Variants in TRMT13 observed in about 807,000 individuals in gnomAD.
The protein encoded by TRMT13 is tRNA:m(4)X modification enzyme TRM13 homolog.
In TRMT13, 45 loss-of-function variants were observed where a neutral mutation model predicts 55.9. That is an observed-to-expected ratio of 0.80 (90% confidence interval 0.63 to 1.03). TRMT13 has a LOEUF of 1.03. Among genes scored for constraint, TRMT13 ranks in the 50% least tolerant of loss-of-function variants. The pLI is 0.00. For synonymous variants in TRMT13, 183 were observed against 196.3 expected, an observed-to-expected ratio of 0.93 and a Z score of 0.57; for missense variants, 513 against 563.9, an observed-to-expected ratio of 0.91 and a Z score of 0.91.
chr1:100,133,945 G>A (rs959048653), intron 1 of TRMT13, among the ~76,000 whole-genome samples: 8 of 152,018 alleles, frequency 5.3e-5, no homozygotes, highest in African/African-American at 1.7e-4. Flanking sequence ...GGTGGTGCGA[G>A]CCTGTAACCC....
intron 9 of TRMT13, among the ~76,000 whole-genome samples, chr1:100,147,221 A>G (rs1657381780): frequency 6.6e-6 from 1 of 152,184 alleles, no homozygotes; most frequent in Non-Finnish European, 1.5e-5. Flanking sequence ...ATACTAAAAT[A>G]TTTTCATTGT....
intron 7 of TRMT13, among the ~76,000 whole-genome samples, chr1:100,142,076 C>T (rs1656706419): frequency 6.6e-6 from 1 of 152,104 alleles, no homozygotes; most frequent in East Asian, 1.9e-4. Context: ...TAGTTCTTGG[C>T]TTTGAGGAAG....
chr1:100,133,257 G>A lies in TRMT13; in HGVS notation c.89G>A (p.Cys30Tyr). 1 of 1,614,144 alleles carries A rather than the reference G, an allele frequency of 6.2e-7. No homozygotes were observed. Among genetic ancestry groups the A allele is most frequent in the Non-Finnish European group, 8.5e-7 (1 of 1,179,988 alleles). Residue 30 changes from cysteine to tyrosine, a missense_variant, in exon 1 of 11, where the codon TGC becomes TAC. Transcript: ENST00000370141. ...TATGTGGAAAAGAAGAAACGGTTCT[G>A]CAGGATGGTGGTGGCCGCAGGGAAA... ...GYYVEKKKRFCRMVVAAGKRF... is the reference protein window; with the variant it reads ...GYYVEKKKRFYRMVVAAGKRF...
At chr1:100,141,780 T>C (rs1177520970) in intron 7 of TRMT13, among the ~76,000 whole-genome samples, 1 of 152,192 alleles carries the variant, frequency 6.6e-6, no homozygotes, top group African/African-American at 2.4e-5. Context: ...AGATGGAGAA[T>C]GACTATGTAG....
Position 100,148,620 on chromosome 1 carries a change from T to G in TRMT13, c.1251-5T>G. 1 of 1,597,502 alleles carries G rather than the reference T, an allele frequency of 6.3e-7. No homozygotes were observed. Among genetic ancestry groups the G allele is most frequent in the Non-Finnish European group, 8.5e-7 (1 of 1,175,766 alleles). Reference sequence around the variant, plus strand: ...CAATGTTTTGTGTGTGTTTATTCAATTTAGGCTTCTTAGTGTTGAAGAAAA... The same window carrying G: ...CAATGTTTTGTGTGTGTTTATTCAAGTTAGGCTTCTTAGTGTTGAAGAAAA... On this transcript the variant is annotated splice_polypyrimidine_tract_variant and splice_region_variant and intron_variant, in intron 10 of 10. Coordinates refer to ENST00000370141, the MANE Select transcript of TRMT13 (RefSeq NM_019083.3).
intron 3 of TRMT13, among the ~76,000 whole-genome samples, chr1:100,138,407 G>A (rs1396024014): frequency 1.3e-5 from 2 of 152,156 alleles, no homozygotes; most frequent in Non-Finnish European, 2.9e-5. Context: ...TTAACAGCTA[G>A]TTTTCTATTA....
intron 8 of TRMT13, 126 bp from the exon 9 acceptor site, chr1:100,143,943 G>C (rs928408062): frequency 5.6e-6 from 4 of 718,328 alleles, no homozygotes; most frequent in Middle Eastern, 3.5e-4. Flanking sequence ...GTTCCATAAA[G>C]TGATAATTTT....
rs901595427 is a variant in TRMT13 at position 100,140,176 on chromosome 1, A to C, written c.325-6A>C. 11 of 1,596,122 alleles carry C rather than the reference A, an allele frequency of 6.9e-6. No individual in the cohort carries two copies. The highest frequency in any genetic ancestry group is 7.7e-6 in the Non-Finnish European group (9 of 1,168,016). The stretch of plus-strand genomic sequence containing the variant: ...CTACATTATTTAGTTTTATTTTTGT[A>C]TATAGGTTCCAATTTCTTCTCTATC... On this transcript the variant is annotated splice_polypyrimidine_tract_variant and splice_region_variant and intron_variant, in intron 4 of 10. Transcript: ENST00000370141.
rs750497041 is a variant in TRMT13, at chr1:100,149,109, A to G, written c.*289A>G. The G allele has an allele frequency of 6.3e-6, 10 of 1,595,860 alleles. No homozygotes were observed. Among genetic ancestry groups the G allele is most frequent in the Admixed American group, 1.8e-5 (1 of 55,266 alleles). ...GTTGACTTGGTGATCTGAAACATAC[A>G]TAACATGTCAACACATAATTAGCGT... On this transcript the variant is annotated 3_prime_UTR_variant, in exon 11 of 11. Transcript: ENST00000370141.
intron 7 of TRMT13, among the ~76,000 whole-genome samples, chr1:100,142,210 G>A (rs535298919): frequency 1.3e-5 from 2 of 152,294 alleles, no homozygotes; most frequent in South Asian, 4.1e-4. Context: ...TCTAGTGTGG[G>A]TCATAGAAGT....
Position 100,148,180 on chromosome 1 carries a change from T to C in TRMT13, c.1104T>C (p.Ser368=). ...AATTCCATTATTTCCAGCGAATGAG[T>C]AGTTGGGCAACTTGTGGGATGCGGA... The part of the protein sequence containing the change: ...AVEFHYFQRM[S]SWATCGMRKT... Residue 368 remains serine, a synonymous_variant, in exon 10 of 11, where the codon AGT becomes AGC. Coordinates refer to ENST00000370141, the MANE Select transcript of TRMT13 (RefSeq NM_019083.3). The C allele has an allele frequency of 6.2e-7, 1 of 1,614,116 alleles. No individual in the cohort carries two copies. The highest frequency in any genetic ancestry group is 1.7e-5 in the Admixed American group (1 of 60,014).
chr1:100,137,725 C>A (rs189869105), intron 3 of TRMT13, among the ~76,000 whole-genome samples: 19 of 152,258 alleles, frequency 1.2e-4, no homozygotes, highest in Admixed American at 9.8e-4. Context: ...AAAATCGAGA[C>A]TTATGGGAGG....
chr1:100,140,428 G>C lies in TRMT13; in HGVS notation c.415G>C (p.Asp139His). Residue 139 changes from aspartate (D) to histidine (H), a missense_variant, in exon 6 of 11, where the codon GAT becomes CAT. Asp to His is a moderately conservative substitution (Grantham distance 81, BLOSUM62 -1). Around this residue, in one of 3 missense-constraint regions of TRMT13, gnomAD observed 298 missense variants for 290.3 expected, o/e 1.03. Coordinates refer to ENST00000370141, the MANE Select transcript of TRMT13 (RefSeq NM_019083.3). ...CACAGGCTTGAATTCTACACTTAAA[G>C]ATCATATTATGTCCCATCCAGCATT... Reference protein sequence around the residue: ...ASEGLNSTLKDHIMSHPALHD... With the variant: ...ASEGLNSTLKHHIMSHPALHD... The C allele has an allele frequency of 3.1e-6, 5 of 1,613,636 alleles. No individual in the cohort carries two copies. Among genetic ancestry groups the C allele is most frequent in the Non-Finnish European group, 4.2e-6 (5 of 1,179,878 alleles).
intron 1 of TRMT13, among the ~76,000 whole-genome samples, chr1:100,136,410 A>C (rs58364576): frequency 0.033 from 5,012 of 152,288 alleles, 299 homozygotes; most frequent in African/African-American, 0.11. Flanking sequence ...ATTTGAAAAC[A>C]TTATGTTGTA....
chr1:100,136,432 CATAA>C (rs1269532141), intron 1 of TRMT13, among the ~76,000 whole-genome samples: 1 of 152,052 alleles, frequency 6.6e-6, no homozygotes, highest in Non-Finnish European at 1.5e-5. Context: ...TAAAACCATA[CATAA>C]ATAATAGTGT....
chr1:100,140,353 A>T (rs1193486436), intron 5 of TRMT13, 55 bp from the exon 6 acceptor site: 2 of 1,567,788 alleles, frequency 1.3e-6, no homozygotes, highest in Admixed American at 3.4e-5. Flanking sequence ...TATTGTTCAG[A>T]ATCCTACAAT....
Position 100,140,210 on chromosome 1 carries a change from A to T in TRMT13, c.353A>T (p.Gln118Leu). The change falls in exon 5 of 11, where the codon CAG (glutamine) becomes CTG (leucine). Residue 118 changes from glutamine to leucine, a missense_variant. Coordinates refer to ENST00000370141, the MANE Select transcript of TRMT13 (RefSeq NM_019083.3). The part of the protein sequence containing the change: ...LVPISSLSEE[Q>L]LEKLIKKLRK... ...CCAATTTCTTCTCTATCTGAAGAGC[A>T]GTTGGAAAAGTTAATTAAGAAATTG... 6.2e-7 allele frequency: 1 copy of T among 1,612,196 alleles called. No homozygotes were observed. Among genetic ancestry groups the T allele is most frequent in the South Asian group, 1.1e-5 (1 of 90,656 alleles).
At chr1:100,139,611 A>G in intron 3 of TRMT13, 38 bp from the exon 4 acceptor site, 2 of 1,297,428 alleles carry the variant, frequency 1.5e-6, no homozygotes, top group Non-Finnish European at 2.2e-6. Context: ...TGAGCTACAC[A>G]TTATTAACAG....
chr1:100,142,283 G>A (rs575013436), intron 7 of TRMT13, among the ~76,000 whole-genome samples: 1 of 152,210 alleles, frequency 6.6e-6, no homozygotes, highest in South Asian at 2.1e-4. Context: ...AAAGTAGAAG[G>A]AAATTTTTCA....
Sources: allele counts gnomAD v4.1 joint callset (sites outside exome capture counted in the v4.1 genomes callset), GRCh38; gene constraint gnomAD v4.1.1; regional missense constraint gnomAD v4.1.1; transcripts MANE v1.5; gene names NCBI Gene and HGNC (gene_info 2026-07-23, HGNC 2026-07-21).